Variants in DIP2A observed in about 807,000 individuals in gnomAD.
DIP2A encodes the protein disco-interacting protein 2 homolog A.
Under a neutral mutation model 177.4 loss-of-function variants are expected in DIP2A, and 85 were observed. That is an observed-to-expected ratio of 0.48 (90% CI 0.40 to 0.57). The LOEUF (loss-of-function observed/expected upper bound fraction) is 0.57, where lower values mean the gene tolerates loss of function less well. Among genes scored for constraint, DIP2A ranks in the 20% least tolerant of loss-of-function variants. The probability of loss-of-function intolerance (pLI) is 0.00; values close to 1 mark genes in which losing one functional copy is unlikely to be tolerated. For synonymous variants in DIP2A, 886 were observed against 881.8 expected (o/e 1.00, Z -0.08); for missense variants, 1,791 against 2,100.2 (o/e 0.85, Z 2.88).
At chr21:46,520,433 A>T (rs1171550681) in intron 8 of DIP2A, among the ~76,000 whole-genome samples, 2 of 152,234 alleles carry the variant, frequency 1.3e-5, no homozygotes, top group African/African-American at 4.8e-5. Context: ...CAGCTCATGC[A>T]GTTAACTCCT....
chr21:46,578,869 T>C, the DIP2A span, among the ~76,000 whole-genome samples: 3 of 152,228 alleles, frequency 2.0e-5, no homozygotes, highest in Non-Finnish European at 2.9e-5. Context: ...CAGTATTTTA[T>C]TGAGAATTTT....
chr21:46,532,213 C>G lies in DIP2A; in HGVS notation c.1281C>G (p.Pro427=). The G allele has an allele frequency of 6.2e-7, 1 of 1,613,852 alleles. No individual in the cohort carries two copies. The highest frequency in any genetic ancestry group is 8.5e-7 in the Non-Finnish European group (1 of 1,179,844). ...GCLLAELVPV[P]IEVPLTRKDA... is the part of the protein sequence containing the mutation. ...TCCTGGCAGAGCTGGTTCCTGTCCC[C>G]ATAGAAGTGCCATTAACAAGAAAGG... The change falls in exon 10 of 38, where the codon CCC becomes CCG. Residue 427 remains proline (P), a synonymous_variant. Transcript: ENST00000417564.
chr21:46,553,405 G>A (rs1194533236), intron 25 of DIP2A: 1 of 152,304 alleles, frequency 6.6e-6, no homozygotes, highest in Non-Finnish European at 1.5e-5. Context: ...TAAAAAAGCT[G>A]CGAGGCCTGG....
rs374294871 is a variant in DIP2A at position 46,556,011 on chromosome 21, G to T, written c.3418G>T (p.Val1140Phe). The T allele has an allele frequency of 6.2e-7, 1 of 1,613,848 alleles. No individual in the cohort carries two copies. Among genetic ancestry groups the T allele is most frequent in the African/African-American group, 1.3e-5 (1 of 74,998 alleles). Residue 1140 changes from valine to phenylalanine, a missense_variant, in exon 29 of 38, where the codon GTT (valine) becomes TTT (phenylalanine). Coordinates refer to ENST00000417564, the MANE Select transcript of DIP2A (RefSeq NM_015151.4). This position sits in a 1 kb window ranked among gnomAD's most constrained non-coding sequence, Gnocchi z 4.5. ...CATCCCAAAAAAGAAGATAGCAAGC[G>T]TTTTCAGGCCCCCCTCCCCCGATGT... ...DDIPKKKIAS[V>F]FRPPSPDVLA...
chr21:46,553,857 A>G (rs2060357987), intron 25 of DIP2A: 1 of 231,748 alleles, frequency 4.3e-6, no homozygotes, highest in African/African-American at 2.2e-5. Context: ...GAGAGTACAG[A>G]TGGTGAGAAA....
Position 46,556,780 on chromosome 21 carries a change from T to C in DIP2A, c.3499-159T>C. ...CATTTCTTGGGTATTATTTAGGTTA[T>C]ATGGGGATTTGAGCCAACCGTCTTT... On this transcript the variant is annotated intron_variant, in intron 29 of 37. Transcript: ENST00000417564. The surrounding 1 kb of genome is among the most constrained non-coding windows in gnomAD (Gnocchi z 4.5). 2 of 617,572 alleles carry C rather than the reference T, an allele frequency of 3.2e-6. No individual in the cohort carries two copies. Among genetic ancestry groups the C allele is most frequent in the Non-Finnish European group, 5.4e-6 (2 of 369,694 alleles). 38.3% of individuals were successfully genotyped at this position (617,572 alleles called of 1,614,324 possible).
At chr21:46,576,920 A>G in the DIP2A span, among the ~76,000 whole-genome samples, 2 of 152,128 alleles carry the variant, frequency 1.3e-5, no homozygotes, top group African/African-American at 2.4e-5. Context: ...GGCCGCATGA[A>G]TGTCTTCTTT....
intron 6 of DIP2A, among the ~76,000 whole-genome samples, chr21:46,506,772 C>G (rs1311736427): frequency 1.7e-5 from 1 of 60,580 alleles, no homozygotes; most frequent in Non-Finnish European, 3.5e-5. Flanking sequence ...TTCTTTCTTT[C>G]TTTTCTTTTC....
chr21:46,509,957 G>A (rs541548634), intron 7 of DIP2A, among the ~76,000 whole-genome samples: 2 of 152,264 alleles, frequency 1.3e-5, no homozygotes, highest in South Asian at 4.1e-4. Context: ...CCACACCCGA[G>A]GATTAGACAT....
intron 6 of DIP2A, among the ~76,000 whole-genome samples, chr21:46,505,168 A>G (rs2148582295): frequency 6.6e-6 from 1 of 152,320 alleles, no homozygotes; most frequent in Non-Finnish European, 1.5e-5. Flanking sequence ...CTCCTTGTCC[A>G]GAGGCAGAAG....
intron 3 of DIP2A, 140 bp downstream of exon 3, chr21:46,490,859 A>T: frequency 8.9e-7 from 1 of 1,124,088 alleles, no homozygotes; most frequent in Non-Finnish European, 1.2e-6. Flanking sequence ...AATGTACATC[A>T]TCATATTTTT....
intron 1 of DIP2A, among the ~76,000 whole-genome samples, chr21:46,465,837 T>C (rs997026192): frequency 6.6e-6 from 1 of 152,218 alleles, no homozygotes; most frequent in East Asian, 1.9e-4. Context: ...AGTGCCTGTT[T>C]TGAGAAACAG....
At chr21:46,491,639 G>A (rs760510775) in intron 3 of DIP2A, among the ~76,000 whole-genome samples, 37 of 152,108 alleles carry the variant, frequency 2.4e-4, no homozygotes, top group Admixed American at 1.0e-3. Flanking sequence ...TGAGATGGCC[G>A]CCCTCAGCAT....
In DIP2A at chr21:46,557,047, T is replaced by G. The variant is rs1163631471; in HGVS notation, c.3607T>G (p.Phe1203Val). ...ICLDPYCGLG[F>V]ALWCLCSVYS... ...CCTCGACCCCTACTGTGGCCTTGGTTTTGCCCTGTGGTGTCTGTGCAGGTG... is the reference window on the plus strand; with the variant it reads ...CCTCGACCCCTACTGTGGCCTTGGTGTTGCCCTGTGGTGTCTGTGCAGGTG... Residue 1203 changes from phenylalanine (F) to valine (V), a missense_variant, in exon 30 of 38, where the codon TTT (phenylalanine) becomes GTT (valine). Physicochemically the swap from Phe to Val is conservative, Grantham distance 50 (BLOSUM62 -1). Transcript: ENST00000417564. This position sits in a 1 kb window ranked among gnomAD's most constrained non-coding sequence, Gnocchi z 6.0. 14 of 1,607,410 alleles carry G rather than the reference T, an allele frequency of 8.7e-6. No homozygotes were observed. Among genetic ancestry groups the G allele is most frequent in the Non-Finnish European group, 1.2e-5 (14 of 1,177,236 alleles).
intron 5 of DIP2A, among the ~76,000 whole-genome samples, chr21:46,501,942 T>G (rs2057674410): frequency 6.6e-6 from 1 of 152,196 alleles, no homozygotes; most frequent in Non-Finnish European, 1.5e-5. Context: ...ATCTTAACGG[T>G]TTAGATTTTT....
rs182097185 is a variant in DIP2A at position 46,565,911 on chromosome 21, G to A, written c.4339+24G>A. The A allele has an allele frequency of 3.7e-5, 60 of 1,612,958 alleles. No homozygotes were observed. Among genetic ancestry groups the A allele is most frequent in the Admixed American group, 2.2e-4 (13 of 60,008 alleles). On this transcript the variant is annotated intron_variant, in intron 36 of 37. Transcript: ENST00000417564. Reference sequence around the variant, plus strand: ...AGGTGAGGGGTTGTGGTGAAGCCCTGCGTGAGTGCTGTGCGGGGAGGACCT... The same window carrying A: ...AGGTGAGGGGTTGTGGTGAAGCCCTACGTGAGTGCTGTGCGGGGAGGACCT...
intron 1 of DIP2A, among the ~76,000 whole-genome samples, chr21:46,470,937 A>G (rs1031254419): frequency 1.3e-5 from 2 of 151,994 alleles, no homozygotes; most frequent in Non-Finnish European, 2.9e-5. Flanking sequence ...CAGAAAAAAA[A>G]AAAAAAAAAA....
chr21:46,513,877 A>C (rs1168949751), intron 8 of DIP2A, among the ~76,000 whole-genome samples: 2 of 152,044 alleles, frequency 1.3e-5, no homozygotes, highest in Non-Finnish European at 2.9e-5. Flanking sequence ...AATCCCAAAC[A>C]CTTCTAATCT....
intron 21 of DIP2A, among the ~76,000 whole-genome samples, chr21:46,549,185 T>C (rs976646684): frequency 2.0e-5 from 3 of 152,142 alleles, no homozygotes; most frequent in Non-Finnish European, 4.4e-5. Flanking sequence ...CAAGAGACGG[T>C]ATATCCATAA....
Sources: gnomAD v4.1 joint callset for allele counts (sites outside exome capture counted in the v4.1 genomes callset) on GRCh38, gnomAD v4.1.1 for gene constraint, Gnocchi (gnomAD v3.1) non-coding constraint, MANE v1.5 for transcripts, NCBI Gene and HGNC (gene_info 2026-07-23, HGNC 2026-07-21) for gene names.